The following DERA variants were observed in gnomAD, a reference collection of about 807,000 sequenced individuals.
DERA encodes the protein deoxyribose-phosphate aldolase.
In DERA, 15 loss-of-function variants were observed where a neutral mutation model predicts 41.1. That is an observed-to-expected ratio of 0.37 (90% CI 0.24 to 0.56). The LOEUF is 0.56. Ranked by LOEUF, DERA falls within the 20% of genes least tolerant of loss-of-function variation. The pLI is 0.81. For missense variants in DERA, 396 were observed against 403.4 expected (o/e 0.98, Z 0.16); for synonymous variants, 139 against 137.4 (o/e 1.01, Z -0.08).
At position 16,003,978 on chromosome 12, in the gene DERA, A is replaced by G. The variant is rs1179206756; in HGVS notation, c.637+21542A>G. On this transcript the variant is annotated intron_variant, in intron 6 of 8. Coordinates refer to ENST00000428559, the MANE Select transcript of DERA (RefSeq NM_015954.4). The surrounding 1 kb of genome is among the most constrained non-coding windows in gnomAD (Gnocchi z 4.8). ...TAAAACATCATTGTGCAGAATGCTTAGAAGGGGTTGGTAGGGCTATTCATT... is the reference window on the plus strand; with the variant it reads ...TAAAACATCATTGTGCAGAATGCTTGGAAGGGGTTGGTAGGGCTATTCATT... Among the ~76,000 whole-genome samples the G allele has an allele frequency of 6.6e-6, 1 of 152,172 alleles. No individual in the cohort carries two copies. The highest frequency in any genetic ancestry group is 1.5e-5 in the Non-Finnish European group (1 of 68,024).
intron 6 of DERA, among the ~76,000 whole-genome samples, chr12:16,032,119 GT>G (rs1949096616): frequency 6.6e-6 from 1 of 152,168 alleles, no homozygotes; most frequent in Non-Finnish European, 1.5e-5. Flanking sequence ...TGTCACAACT[GT>G]ATACTGTGTA....
At chr12:15,979,969 A>G (rs1429211176) in intron 5 of DERA, among the ~76,000 whole-genome samples, 1 of 152,236 alleles carries the variant, frequency 6.6e-6, no homozygotes, top group Admixed American at 6.5e-5. Context: ...CACTTTAACA[A>G]CTGCTGTAAT....
At chr12:15,929,141 A>T (rs1166158294) in intron 1 of DERA, among the ~76,000 whole-genome samples, 2 of 152,222 alleles carry the variant, frequency 1.3e-5, no homozygotes, top group African/African-American at 4.8e-5. Flanking sequence ...ACCAGCATCC[A>T]GGCCACAGTG....
At chr12:15,914,530 T>C (rs1948186647) in intron 1 of DERA, among the ~76,000 whole-genome samples, 1 of 152,216 alleles carries the variant, frequency 6.6e-6, no homozygotes. Flanking sequence ...GCTTGGCACC[T>C]TCTTCCTCTT....
chr12:15,946,170 G>GA (rs1948446597), intron 1 of DERA, among the ~76,000 whole-genome samples: 1 of 152,196 alleles, frequency 6.6e-6, no homozygotes, highest in Non-Finnish European at 1.5e-5. Flanking sequence ...GTTCATCAGG[G>GA]ATATTGGTCT....
At chr12:15,958,923 A>G (rs1395013160) in intron 3 of DERA, among the ~76,000 whole-genome samples, 3 of 152,150 alleles carry the variant, frequency 2.0e-5, no homozygotes, top group East Asian at 3.9e-4. Context: ...CTTGTTTTCT[A>G]AATAAAGAAA....
At chr12:15,958,803 A>G (rs1948561077) in intron 3 of DERA, among the ~76,000 whole-genome samples, 1 of 152,236 alleles carries the variant, frequency 6.6e-6, no homozygotes, top group Non-Finnish European at 1.5e-5. Context: ...TTTCAAAAAA[A>G]GTCATATTCA....
chr12:15,911,392 G>C lies in DERA; in HGVS notation c.9G>C (p.Ala3=), dbSNP rs771664021. The C allele has an allele frequency of 2.1e-6, 3 of 1,404,136 alleles. No homozygotes were observed. The highest frequency in any genetic ancestry group is 1.5e-5 in the African/African-American group (1 of 65,780). The allele number at this position is 1,404,136 out of a possible 1,614,324, so 87.0% of individuals were successfully genotyped here. Residue 3 remains alanine (A), a synonymous_variant, in exon 1 of 9, where the codon GCG becomes GCC. Transcript: ENST00000428559. The surrounding 1 kb of genome is among the most constrained non-coding windows in gnomAD (Gnocchi z 4.5). ...CCGGAGCTGCCCGCGCCATGTCCGC[G>C]CACAATCGGGGCACCGAGCTCGGTA... The part of the protein sequence containing the change: MS[A]HNRGTELDLS...
rs1441665428 is a variant in DERA at position 15,918,284 on chromosome 12, C to T, written c.31+6870C>T. Among the ~76,000 whole-genome samples the T allele has an allele frequency of 1.3e-5, 2 of 152,210 alleles. No individual in the cohort carries two copies. The highest frequency in any genetic ancestry group is 2.9e-5 in the Non-Finnish European group (2 of 68,042). On this transcript the variant is annotated intron_variant, in intron 1 of 8. Coordinates refer to ENST00000428559, the MANE Select transcript of DERA (RefSeq NM_015954.4). The surrounding 1 kb of genome is among the most constrained non-coding windows in gnomAD (Gnocchi z 4.3). Reference sequence around the variant, plus strand: ...TAGTGTGGGGCTGTGGACCTCTGTGCCCGGCCGCCTCGCCTCCCTCTGCAG... The same window carrying T: ...TAGTGTGGGGCTGTGGACCTCTGTGTCCGGCCGCCTCGCCTCCCTCTGCAG...
chr12:15,925,536 A>G (rs1262747333), intron 1 of DERA, among the ~76,000 whole-genome samples: 1 of 152,216 alleles, frequency 6.6e-6, no homozygotes, highest in African/African-American at 2.4e-5. Context: ...AAATTGTTCT[A>G]AAATTAAGTA....
chr12:16,029,913 C>CT (rs71438364), intron 6 of DERA, among the ~76,000 whole-genome samples: 951 of 59,658 alleles, frequency 0.016, 289 homozygotes, highest in African/African-American at 0.055. Flanking sequence ...TAGCCTTGGT[C>CT]TTTTTTTTTT....
chr12:15,960,734 A>T (rs1421201234), intron 4 of DERA, among the ~76,000 whole-genome samples: 1 of 151,696 alleles, frequency 6.6e-6, no homozygotes, highest in East Asian at 1.9e-4. Flanking sequence ...GGTTGGTGAC[A>T]CCAAAGTAAG....
intron 1 of DERA, among the ~76,000 whole-genome samples, chr12:15,926,510 G>A (rs1948284771): frequency 1.3e-5 from 2 of 152,104 alleles, no homozygotes; most frequent in Admixed American, 1.3e-4. Flanking sequence ...GCCGAGGCGG[G>A]CGGATCACGA....
At chr12:15,927,301 G>A (rs1948294256) in intron 1 of DERA, among the ~76,000 whole-genome samples, 1 of 152,114 alleles carries the variant, frequency 6.6e-6, no homozygotes, top group African/African-American at 2.4e-5. Flanking sequence ...AAATGTGGGA[G>A]CTGATATTTT....
chr12:16,025,068 G>T (rs942518576), intron 6 of DERA, among the ~76,000 whole-genome samples: 1 of 151,980 alleles, frequency 6.6e-6, no homozygotes, highest in African/African-American at 2.4e-5. Flanking sequence ...ATGTACAAAA[G>T]TATGATTGAT....
Position 15,935,130 on chromosome 12 carries a change from C to G in DERA, c.32-21806C>G, listed in dbSNP as rs543038548. Reference sequence around the variant, plus strand: ...GAAAAACTAAAAATATACTAGTTTTCTAAATAAATTGAGCTGAATTTAAAT... The same window carrying G: ...GAAAAACTAAAAATATACTAGTTTTGTAAATAAATTGAGCTGAATTTAAAT... On this transcript the variant is annotated intron_variant, in intron 1 of 8. Coordinates refer to ENST00000428559, the MANE Select transcript of DERA (RefSeq NM_015954.4). The surrounding 1 kb of genome is among the most constrained non-coding windows in gnomAD (Gnocchi z 4.8). 2.6e-5 allele frequency among the ~76,000 whole-genome samples: 4 copies of G among 152,110 alleles called. No homozygotes were observed. The highest frequency in any genetic ancestry group is 5.9e-5 in the Non-Finnish European group (4 of 68,016).
chr12:15,991,704 C>T (rs151316866), intron 6 of DERA, among the ~76,000 whole-genome samples: 2,100 of 152,152 alleles, frequency 0.014, 18 homozygotes, highest in Non-Finnish European at 0.021. Context: ...GACAGTGTTT[C>T]GATGATCTAT....
At chr12:15,927,037 A>G (rs1425046004) in intron 1 of DERA, among the ~76,000 whole-genome samples, 1 of 152,244 alleles carries the variant, frequency 6.6e-6, no homozygotes, top group African/African-American at 2.4e-5. Context: ...ATAGTCAAGT[A>G]CATAAACTAT....
chr12:15,980,721 A>C (rs186353417), intron 5 of DERA, among the ~76,000 whole-genome samples: 87 of 152,284 alleles, frequency 5.7e-4, no homozygotes, highest in African/African-American at 2.0e-3. Context: ...CTGTGAAAAT[A>C]GTCTGTTCTT....
Sources: gnomAD v4.1 joint callset for allele counts (sites outside exome capture counted in the v4.1 genomes callset) on GRCh38, gnomAD v4.1.1 for gene constraint, Gnocchi (gnomAD v3.1) non-coding constraint, MANE v1.5 for transcripts, NCBI Gene and HGNC (gene_info 2026-07-23, HGNC 2026-07-21) for gene names.